LOC128031835: variants seen among roughly 807,000 people sequenced by gnomAD.
the LOC128031835 span, chr6:53,065,655 C>T: frequency 1.8e-6 from 2 of 1,099,498 alleles, no homozygotes; most frequent in Non-Finnish European, 2.4e-6. Context: ...TGCGCTTCTC[C>T]GACCGAGAAC....
chr6:53,065,625 CA>C, the LOC128031835 span: 1 of 797,390 alleles, frequency 1.3e-6, no homozygotes. Flanking sequence ...GCCGGGCCCG[CA>C]GTTATTGCCG....
the LOC128031835 span, chr6:53,065,669 G>C: frequency 8.0e-7 from 1 of 1,247,494 alleles, no homozygotes; most frequent in Non-Finnish European, 1.0e-6. Context: ...CGAGAACTCT[G>C]CTAAGCTCCG....
the LOC128031835 span, chr6:53,065,623 C>T: frequency 2.5e-6 from 2 of 789,970 alleles, no homozygotes; most frequent in Non-Finnish European, 1.7e-6. Flanking sequence ...ACGCCGGGCC[C>T]GCAGTTATTG....
chr6:53,065,635 C>G, the LOC128031835 span: 2 of 908,538 alleles, frequency 2.2e-6, no homozygotes, highest in Non-Finnish European at 2.9e-6. Context: ...CAGTTATTGC[C>G]GCTGCCTGGT....
At chr6:53,065,649 C>A in the LOC128031835 span, 2 of 1,039,176 alleles carry the variant, frequency 1.9e-6, no homozygotes, top group Admixed American at 4.0e-5. Flanking sequence ...GCCTGGTGCG[C>A]TTCTCCGACC....
At chr6:53,065,665 C>T in the LOC128031835 span, 3 of 1,190,010 alleles carry the variant, frequency 2.5e-6, no homozygotes, top group African/African-American at 3.2e-5. Flanking sequence ...CGACCGAGAA[C>T]TCTGCTAAGC....
the LOC128031835 span, chr6:53,065,661 A>C: frequency 8.7e-7 from 1 of 1,152,598 alleles, no homozygotes; most frequent in Non-Finnish European, 1.1e-6. Context: ...TCTCCGACCG[A>C]GAACTCTGCT....
Sources: gnomAD v4.1 joint callset for allele counts on GRCh38, gnomAD v4.1.1 for gene constraint, MANE v1.5 for transcripts.